GRIA1: variants seen among roughly 807,000 people sequenced by gnomAD.
GRIA1 encodes the protein glutamate ionotropic receptor AMPA type subunit 1, also known as glutamate receptor 1.
Under a neutral mutation model 99.2 loss-of-function variants are expected in GRIA1, and 31 were observed. The observed-to-expected ratio is 0.31, with a 90% CI of 0.23 to 0.42. The LOEUF is 0.42. GRIA1 is among the 10% of genes least tolerant of loss of function. The pLI is 1.00. For missense variants in GRIA1, 782 were observed against 1,157.5 expected (o/e 0.68, Z 4.71); for synonymous variants, 438 against 432.4 (o/e 1.01, Z -0.16).
chr5:153,532,318 G>A (rs1431239916), intron 2 of GRIA1, among the ~76,000 whole-genome samples: 1 of 152,100 alleles, frequency 6.6e-6, no homozygotes, highest in Non-Finnish European at 1.5e-5. Context: ...AGTAGGTGCT[G>A]TTGCCTTACA....
upstream of GRIA1, chr5:153,490,468 G>C (rs911372828): frequency 8.0e-5 from 18 of 223,958 alleles, no homozygotes; most frequent in Non-Finnish European, 1.3e-4. Context: ...GGGAGGAAGG[G>C]GGAACAGGTA....
intron 11 of GRIA1, among the ~76,000 whole-genome samples, chr5:153,712,277 C>T (rs1759367193): frequency 6.6e-6 from 1 of 152,128 alleles, no homozygotes; most frequent in Non-Finnish European, 1.5e-5. Context: ...GTCTTGAACT[C>T]CTGACCTTGC....
intron 1 of GRIA1, among the ~76,000 whole-genome samples, chr5:153,491,544 T>C (rs975743605): frequency 6.6e-6 from 1 of 152,138 alleles, no homozygotes; most frequent in African/African-American, 2.4e-5. Flanking sequence ...TCTCCTGTTC[T>C]GGACTCCTCC....
Position 153,701,619 on chromosome 5 carries a change from CAAA to C in GRIA1, c.1452+2567_1452+2569del, listed in dbSNP as rs70978504. ...CTGGGCGACAAAGCGAGACCCGTCT[CAAA>C]AAAAAAAAAAAAAAAAAAAATACTA... On this transcript the variant is annotated intron_variant, in intron 10 of 15. Transcript: ENST00000285900. Among the ~76,000 whole-genome samples the C allele has an allele frequency of 5.3e-4, 21 of 39,414 alleles. 3 individuals carry two copies. In the South Asian group the frequency reaches 6.0e-3, roughly 11 times the overall value. The allele number at this position is 39,414 out of a possible 152,430, so 25.9% of individuals were successfully genotyped here. A position where few individuals can be genotyped will look rare whatever the true frequency, so the allele number is the denominator to read the frequency against.
At chr5:153,789,509 T>C (rs1056384369) in intron 13 of GRIA1, among the ~76,000 whole-genome samples, 3 of 152,184 alleles carry the variant, frequency 2.0e-5, no homozygotes, top group Non-Finnish European at 2.9e-5. Flanking sequence ...CACTAATCTA[T>C]GAAGAATATC....
At chr5:153,734,144 T>C (rs1761225945) in intron 11 of GRIA1, among the ~76,000 whole-genome samples, 1 of 152,218 alleles carries the variant, frequency 6.6e-6, no homozygotes, top group African/African-American at 2.4e-5. Flanking sequence ...ATGTTCACAA[T>C]AGCAGTTAAG....
intron 11 of GRIA1, among the ~76,000 whole-genome samples, chr5:153,748,775 T>C (rs891880484): frequency 2.0e-5 from 3 of 152,176 alleles, no homozygotes; most frequent in Admixed American, 6.5e-5. Flanking sequence ...TGCCATTTCC[T>C]GAGATGAGGA....
At chr5:153,756,313 G>GT (rs1010189097) in intron 11 of GRIA1, among the ~76,000 whole-genome samples, 165 of 151,988 alleles carry the variant, frequency 1.1e-3, no homozygotes, top group African/African-American at 3.7e-3. Context: ...CAGGAAATTA[G>GT]TTGGGAAGTA....
chr5:153,556,874 A>G (rs1235973254), intron 2 of GRIA1, among the ~76,000 whole-genome samples: 1 of 152,190 alleles, frequency 6.6e-6, no homozygotes, highest in Non-Finnish European at 1.5e-5. Flanking sequence ...AATATCACAG[A>G]GTGTTACTTA....
chr5:153,590,553 T>TG, intron 2 of GRIA1, among the ~76,000 whole-genome samples: 1 of 150,534 alleles, frequency 6.6e-6, no homozygotes, highest in Non-Finnish European at 1.5e-5. Context: ...TGTGTGTGTG[T>TG]TACAATATAT....
At chr5:153,505,984 A>T (rs1755450329) in intron 2 of GRIA1, among the ~76,000 whole-genome samples, 1 of 152,226 alleles carries the variant, frequency 6.6e-6, no homozygotes, top group Non-Finnish European at 1.5e-5. Flanking sequence ...GAATGTCGAA[A>T]TCCAGCCCCA....
intron 7 of GRIA1, 106 bp downstream of exon 7, chr5:153,677,267 G>A: frequency 2.1e-6 from 2 of 936,004 alleles, no homozygotes; most frequent in Non-Finnish European, 1.4e-6. Flanking sequence ...GAAAATGCCT[G>A]AAGTTCAGAA....
chr5:153,525,739 G>A (rs1053620185), intron 2 of GRIA1, among the ~76,000 whole-genome samples: 1 of 152,086 alleles, frequency 6.6e-6, no homozygotes, highest in African/African-American at 2.4e-5. Flanking sequence ...TAGCCCTGTA[G>A]CTGGAATACA....
chr5:153,666,164 T>TA (rs1479211690), intron 5 of GRIA1, among the ~76,000 whole-genome samples: 1 of 152,102 alleles, frequency 6.6e-6, no homozygotes, highest in Non-Finnish European at 1.5e-5. Context: ...TTGAAGCTTA[T>TA]AAAAAAATCA....
At chr5:153,500,930 C>A (rs771101813) in intron 2 of GRIA1, among the ~76,000 whole-genome samples, 1 of 152,072 alleles carries the variant, frequency 6.6e-6, no homozygotes, top group Non-Finnish European at 1.5e-5. Flanking sequence ...TCCCCTCCCC[C>A]AAGCTTATTT....
rs185637055 is a variant in GRIA1, at chr5:153,812,237, T to A, written c.*1012T>A. On this transcript the variant is annotated 3_prime_UTR_variant, in exon 16 of 16. Coordinates refer to ENST00000285900, the MANE Select transcript of GRIA1 (RefSeq NM_000827.4). ...ATCTAAGCAGGAACCCATTGTGGAG[T>A]AGACTCTCTTCTTCTATGGAGCCTC... is the stretch of plus-strand genomic sequence containing the variant. The A allele has an allele frequency of 6.6e-6, 1 of 151,940 alleles. No individual in the cohort carries two copies. Among genetic ancestry groups the A allele is most frequent in the African/African-American group, 2.4e-5 (1 of 41,358 alleles). The allele number at this position is 151,940 out of a possible 1,614,324, so 9.4% of individuals were successfully genotyped here. A position where few individuals can be genotyped will look rare whatever the true frequency, so the allele number is the denominator to read the frequency against.
chr5:153,657,469 T>G (rs1384882273), intron 5 of GRIA1, among the ~76,000 whole-genome samples: 1 of 152,250 alleles, frequency 6.6e-6, no homozygotes, highest in Non-Finnish European at 1.5e-5. Flanking sequence ...TTTAACTTAC[T>G]TAACTGAACA....
intron 11 of GRIA1, among the ~76,000 whole-genome samples, chr5:153,761,172 A>G (rs756086574): frequency 1.3e-5 from 2 of 152,192 alleles, no homozygotes; most frequent in Non-Finnish European, 2.9e-5. Context: ...AAAATAGACA[A>G]ATGGATTGCA....
At chr5:153,554,117 A>C (rs765533513) in intron 2 of GRIA1, among the ~76,000 whole-genome samples, 6 of 152,150 alleles carry the variant, frequency 3.9e-5, no homozygotes, top group Non-Finnish European at 7.3e-5. Context: ...TGATGGGTTG[A>C]GTTGTAAGTT....
Sources: gnomAD v4.1 joint callset for allele counts (sites outside exome capture counted in the v4.1 genomes callset) on GRCh38, gnomAD v4.1.1 for gene constraint, MANE v1.5 for transcripts, NCBI Gene and HGNC (gene_info 2026-07-23, HGNC 2026-07-21) for gene names.